The following TRAF3IP1 variants were observed in gnomAD, a reference collection of about 807,000 sequenced individuals.
TRAF3IP1 encodes intraflagellar transport 54.
Under a neutral mutation model 89.9 loss-of-function variants are expected in TRAF3IP1, and 53 were observed. That is an observed-to-expected ratio of 0.59 (90% CI 0.47 to 0.74). The LOEUF (loss-of-function observed/expected upper bound fraction) is 0.74. Ranked by LOEUF, TRAF3IP1 falls within the 30% of genes least tolerant of loss-of-function variation. TRAF3IP1 has a pLI of 0.00. For missense variants in TRAF3IP1, 806 were observed against 866.1 expected (o/e 0.93, Z 0.87); for synonymous variants, 311 against 322.1 (o/e 0.97, Z 0.37).
chr2:238,378,956 G>A (rs1700435625), intron 15 of TRAF3IP1, among the ~76,000 whole-genome samples: 1 of 152,276 alleles, frequency 6.6e-6, no homozygotes, highest in African/African-American at 2.4e-5. Context: ...GAGTAGAAAG[G>A]CCCCAGAGGG....
intron 5 of TRAF3IP1, among the ~76,000 whole-genome samples, chr2:238,331,039 A>G (rs1461140141): frequency 6.6e-6 from 1 of 152,124 alleles, no homozygotes; most frequent in Non-Finnish European, 1.5e-5. Context: ...TGCATGAGGC[A>G]TCCTAGGAAG....
chr2:238,344,729 T>A, intron 9 of TRAF3IP1, 131 bp downstream of exon 9: 1 of 773,744 alleles, frequency 1.3e-6, no homozygotes, highest in Non-Finnish European at 2.3e-6. Flanking sequence ...TGATTCACAG[T>A]GATTCACTTC....
Position 238,344,485 on chromosome 2 carries a change from G to A in TRAF3IP1, c.1160-12G>A. ...CAGTCTTAATGACTAATTTTAAACT[G>A]TTTTATGTCAGGAACAAAAGAAGCT... On this transcript the variant is annotated splice_polypyrimidine_tract_variant and intron_variant, in intron 8 of 16. Coordinates refer to ENST00000373327, the MANE Select transcript of TRAF3IP1 (RefSeq NM_015650.4). 1 of 1,611,014 alleles carries A rather than the reference G, an allele frequency of 6.2e-7. No individual in the cohort carries two copies. The highest frequency in any genetic ancestry group is 1.1e-5 in the South Asian group (1 of 91,012).
At chr2:238,347,315 G>T in intron 9 of TRAF3IP1, 140 bp from the exon 10 acceptor site, 1 of 835,296 alleles carries the variant, frequency 1.2e-6, no homozygotes, top group Non-Finnish European at 2.0e-6. Context: ...TAGAAAAGCG[G>T]CTATGAGGAA....
In TRAF3IP1 at chr2:238,352,160, A is replaced by T. The variant is rs74927509; in HGVS notation, c.1452-667A>T. 1.2e-3 allele frequency among the ~76,000 whole-genome samples: 175 copies of T among 152,172 alleles called. 2 individuals carry two copies. The East Asian group carries it at 0.032, about 28-fold the overall frequency. ...CTAGTAGGTGGCCCTGGAGAGCATG[A>T]GAGAGCCCTTGGGTGAAGGCTGTCA... On this transcript the variant is annotated intron_variant, in intron 12 of 16. Coordinates refer to ENST00000373327, the MANE Select transcript of TRAF3IP1 (RefSeq NM_015650.4).
intron 15 of TRAF3IP1, among the ~76,000 whole-genome samples, chr2:238,390,982 T>A (rs761648561): frequency 1.6e-4 from 24 of 152,118 alleles, no homozygotes; most frequent in Non-Finnish European, 3.4e-4. Context: ...GAAAAAAGGG[T>A]TTCGCTCTGT....
At chr2:238,366,719 T>TAA (rs762790497) in intron 15 of TRAF3IP1, among the ~76,000 whole-genome samples, 1 of 151,694 alleles carries the variant, frequency 6.6e-6, no homozygotes, top group Non-Finnish European at 1.5e-5. Context: ...GTGCTTTGCA[T>TAA]AAAAAAAAAT....
Position 238,320,773 on chromosome 2 carries a change from C to T in TRAF3IP1, c.111C>T (p.Asp37=), listed in dbSNP as rs1697487972. The T allele has an allele frequency of 3.5e-6, 5 of 1,425,788 alleles. No individual in the cohort carries two copies. The South Asian group carries it at 6.8e-5, about 19-fold the overall frequency. 88.3% of individuals were successfully genotyped at this position (1,425,788 alleles called of 1,614,324 possible). A position where few individuals can be genotyped will look rare whatever the true frequency, so the allele number is the denominator to read the frequency against. The change falls in exon 1 of 17, where the codon GAC becomes GAT. Residue 37 remains aspartate (D), a synonymous_variant. Transcript: ENST00000373327. ...AGCCCCCGTTCCGCTACCTGCACGA[C>T]ATCATCACGGAGGTGGGCGCCGGGG... The part of the protein sequence containing the change: ...LSKPPFRYLH[D]IITEVIRMTG...
At chr2:238,361,104 G>C (rs1699638622) in intron 15 of TRAF3IP1, among the ~76,000 whole-genome samples, 1 of 150,244 alleles carries the variant, frequency 6.7e-6, no homozygotes, top group African/African-American at 2.4e-5. Flanking sequence ...GGAGTGCAGT[G>C]GTCTGAATCT....
In TRAF3IP1 at chr2:238,363,939, A is replaced by G. The variant is rs1289810437; in HGVS notation, c.1689+7859A>G. On this transcript the variant is annotated intron_variant, in intron 15 of 16. Transcript: ENST00000373327. ...TGCACCACTGCATTCCAGCCTGGGC[A>G]ACAGAGCGAGACTCTGTCTCAAAAA... Among the ~76,000 whole-genome samples, 3 of 152,288 alleles carry G rather than the reference A, an allele frequency of 2.0e-5. No homozygotes were observed. In the South Asian group the frequency reaches 6.2e-4, roughly 32 times the overall value.
intron 15 of TRAF3IP1, among the ~76,000 whole-genome samples, chr2:238,375,490 A>C (rs1700278148): frequency 6.6e-6 from 1 of 152,230 alleles, no homozygotes; most frequent in Non-Finnish European, 1.5e-5. Context: ...CTATGGTCTG[A>C]GAGACAGCTT....
At chr2:238,326,053 C>T (rs982654791) in intron 3 of TRAF3IP1, 83 bp downstream of exon 3, 30 of 1,439,714 alleles carry the variant, frequency 2.1e-5, no homozygotes, top group Middle Eastern at 1.8e-4. Context: ...CATGTGCGGG[C>T]GGTTTAGGGA....
chr2:238,398,545 T>C (rs1213578574), intron 16 of TRAF3IP1, among the ~76,000 whole-genome samples: 3 of 152,038 alleles, frequency 2.0e-5, no homozygotes, highest in South Asian at 2.1e-4. Flanking sequence ...AAGATTATCA[T>C]TGAAGAAATA....
chr2:238,373,516 T>C (rs1031343172), intron 15 of TRAF3IP1, among the ~76,000 whole-genome samples: 4 of 152,244 alleles, frequency 2.6e-5, no homozygotes, highest in African/African-American at 7.2e-5. Context: ...ACCAGTACCA[T>C]GCTGTTTTGG....
At chr2:238,352,408 G>A (rs979434104) in intron 12 of TRAF3IP1, among the ~76,000 whole-genome samples, 6 of 152,204 alleles carry the variant, frequency 3.9e-5, no homozygotes, top group African/African-American at 1.4e-4. Flanking sequence ...CTGCCCTGAG[G>A]TTTGTGACCC....
rs537124660 is a variant in TRAF3IP1 at position 238,397,653 on chromosome 2, C to T, written c.1884C>T (p.His628=). ...LQMWHSENRQ[H]AEALQQEQRI... is the part of the protein sequence containing the mutation. ...TGTGGCACAGCGAGAACAGGCAGCA[C>T]GCCGAGGCCCTGCAGCAGGAGCAGA... The change falls in exon 16 of 17, where the codon CAC becomes CAT. Residue 628 remains histidine, a synonymous_variant. Transcript: ENST00000373327. 2.8e-5 allele frequency: 45 copies of T among 1,607,380 alleles called. No homozygotes were observed. The highest frequency in any genetic ancestry group is 4.1e-5 in the African/African-American group (3 of 73,560).
At chr2:238,384,690 C>A (rs1176369990) in intron 15 of TRAF3IP1, among the ~76,000 whole-genome samples, 1 of 151,358 alleles carries the variant, frequency 6.6e-6, no homozygotes, top group Non-Finnish European at 1.5e-5. Flanking sequence ...GCCTGATGTC[C>A]TTTAAAAAGG....
rs866029864 is a variant in TRAF3IP1 at position 238,379,839 on chromosome 2, G to T, written c.1690-17620G>T. Among the ~76,000 whole-genome samples the T allele has an allele frequency of 9.9e-5, 15 of 152,160 alleles. No homozygotes were observed. Among genetic ancestry groups the T allele is most frequent in the Admixed American group, 7.9e-4 (12 of 15,270 alleles). ...TGTAGCAATAGGCTCAATAGAAAATGATTAATATTTTAGTAAGACATTTAA... is the reference window on the plus strand; with the variant it reads ...TGTAGCAATAGGCTCAATAGAAAATTATTAATATTTTAGTAAGACATTTAA... On this transcript the variant is annotated intron_variant, in intron 15 of 16. Coordinates refer to ENST00000373327, the MANE Select transcript of TRAF3IP1 (RefSeq NM_015650.4). This position sits in a 1 kb window ranked among gnomAD's most constrained non-coding sequence, Gnocchi z 4.0.
chr2:238,342,313 T>C (rs1574914146), intron 8 of TRAF3IP1, among the ~76,000 whole-genome samples: 1 of 152,304 alleles, frequency 6.6e-6, no homozygotes, highest in East Asian at 1.9e-4. Context: ...ATAAGTGCAT[T>C]ATTTATTTGT....
Sources: allele counts gnomAD v4.1 joint callset (sites outside exome capture counted in the v4.1 genomes callset), GRCh38; gene constraint gnomAD v4.1.1; non-coding constraint Gnocchi (gnomAD v3.1); transcripts MANE v1.5; gene names NCBI Gene and HGNC (gene_info 2026-07-23, HGNC 2026-07-21).